TMTC1: variants seen among roughly 807,000 people sequenced by gnomAD.
TMTC1 encodes the protein protein O-mannosyl-transferase TMTC1.
A neutral mutation model predicts 104.8 loss-of-function variants in TMTC1; 73 were observed. That is an observed-to-expected ratio of 0.70 (90% CI 0.58 to 0.85). TMTC1 has a LOEUF of 0.85. Among genes scored for constraint, TMTC1 ranks in the 40% least tolerant of loss-of-function variants. TMTC1 has a pLI of 0.00. For missense variants in TMTC1, 1,035 were observed against 1,096.1 expected, an observed-to-expected ratio of 0.94 and a Z score of 0.79; for synonymous variants, 434 against 428.7, an observed-to-expected ratio of 1.01 and a Z score of -0.15.
At chr12:29,686,676 T>C (rs1283479138) in intron 5 of TMTC1, among the ~76,000 whole-genome samples, 2 of 152,160 alleles carry the variant, frequency 1.3e-5, no homozygotes, top group Non-Finnish European at 2.9e-5. Flanking sequence ...TCAAGCTATC[T>C]CACCCTGGAC....
intron 5 of TMTC1, chr12:29,641,184 T>C (rs1302240488): frequency 6.6e-6 from 1 of 152,278 alleles, no homozygotes; most frequent in Non-Finnish European, 1.5e-5. Context: ...AAAGGGCATA[T>C]ACTCTTGGGA....
chr12:29,769,088 C>T (rs1206959673), intron 1 of TMTC1, among the ~76,000 whole-genome samples: 1 of 152,164 alleles, frequency 6.6e-6, no homozygotes, highest in Non-Finnish European at 1.5e-5. Flanking sequence ...CTTATAGAAA[C>T]AGCTCTTCTT....
intron 2 of TMTC1, among the ~76,000 whole-genome samples, chr12:29,760,260 G>A (rs1484269419): frequency 6.6e-6 from 1 of 152,140 alleles, no homozygotes; most frequent in Non-Finnish European, 1.5e-5. Context: ...ACATATAAAT[G>A]TACATACATA....
chr12:29,509,418 C>T (rs1197246070), intron 17 of TMTC1, among the ~76,000 whole-genome samples: 4 of 152,208 alleles, frequency 2.6e-5, no homozygotes, highest in Non-Finnish European at 5.9e-5. Context: ...TTGCAAAGTA[C>T]TATTCTAACT....
At chr12:29,664,706 G>A (rs1940206504) in intron 5 of TMTC1, among the ~76,000 whole-genome samples, 1 of 152,128 alleles carries the variant, frequency 6.6e-6, no homozygotes, top group Non-Finnish European at 1.5e-5. Context: ...TTCTAAAGGA[G>A]GAGAACATAA....
intron 1 of TMTC1, among the ~76,000 whole-genome samples, chr12:29,779,896 T>C (rs1161558762): frequency 6.6e-6 from 1 of 152,242 alleles, no homozygotes; most frequent in Non-Finnish European, 1.5e-5. Flanking sequence ...TTTGGTTTAA[T>C]ATCAGATGTT....
At chr12:29,543,670 G>A (rs982138102) in intron 10 of TMTC1, among the ~76,000 whole-genome samples, 1 of 152,148 alleles carries the variant, frequency 6.6e-6, no homozygotes, top group Admixed American at 6.5e-5. Context: ...ACTGAATTGT[G>A]AAAGTCAAAT....
chr12:29,646,553 C>T (rs1374301032), intron 5 of TMTC1, among the ~76,000 whole-genome samples: 1 of 152,054 alleles, frequency 6.6e-6, no homozygotes, highest in African/African-American at 2.4e-5. Flanking sequence ...GCAACCCATC[C>T]CTAGTCCCCA....
At chr12:29,586,604 A>C (rs544873892) in intron 7 of TMTC1, among the ~76,000 whole-genome samples, 1 of 151,958 alleles carries the variant, frequency 6.6e-6, no homozygotes, top group Admixed American at 6.6e-5. Context: ...TTTGAGATAC[A>C]TCCCATCAAT....
intron 7 of TMTC1, among the ~76,000 whole-genome samples, chr12:29,599,968 A>ATGTG (rs113537256): frequency 2.3e-5 from 3 of 131,256 alleles, no homozygotes; most frequent in Admixed American, 7.4e-5. Flanking sequence ...GTATATATAT[A>ATGTG]TGTGTGTGTG....
chr12:29,660,113 C>G (rs1298732054), intron 5 of TMTC1: 2 of 696,882 alleles, frequency 2.9e-6, no homozygotes, highest in Non-Finnish European at 4.7e-6. Flanking sequence ...AGTCTTGTGG[C>G]TGGCTTGTAC....
At chr12:29,516,554 T>G (rs1239968657) in intron 14 of TMTC1, 68 bp from the exon 15 acceptor site, 1 of 1,517,884 alleles carries the variant, frequency 6.6e-7, no homozygotes, top group Non-Finnish European at 8.9e-7. Context: ...CATCCCTGAA[T>G]AGAAGCATTC....
chr12:29,698,996 A>G (rs1178386326), intron 5 of TMTC1, among the ~76,000 whole-genome samples: 2 of 152,158 alleles, frequency 1.3e-5, no homozygotes, highest in Non-Finnish European at 2.9e-5. Context: ...TTGATAGGTG[A>G]GGTTATAAAT....
rs78704523 is a variant in TMTC1, at chr12:29,745,521, T to C, written c.938+6145A>G. On this transcript the variant is annotated intron_variant, in intron 5 of 17. Coordinates refer to ENST00000539277, the MANE Select transcript of TMTC1 (RefSeq NM_001193451.2). ...CTGTAATCCCAGCTACTCGGGAGGC[T>C]GAGGCAGGAGAATCACTTGAACCCA... Among the ~76,000 whole-genome samples, 2,341 of 147,626 alleles carry C rather than the reference T, an allele frequency of 0.016. 181 individuals are homozygous for C. In the East Asian group the frequency reaches 0.25, roughly 16 times the overall value.
intron 5 of TMTC1, among the ~76,000 whole-genome samples, chr12:29,728,226 G>A (rs76098190): frequency 0.035 from 5,319 of 152,246 alleles, 181 homozygotes; most frequent in African/African-American, 0.09. Context: ...AGCGGAGCCA[G>A]ATGCTGGGAG....
intron 5 of TMTC1, among the ~76,000 whole-genome samples, chr12:29,748,520 TG>T (rs1294382744): frequency 6.6e-6 from 1 of 152,252 alleles, no homozygotes; most frequent in Non-Finnish European, 1.5e-5. Context: ...TCAAACAGTC[TG>T]GGTTCCAATC....
chr12:29,518,767 G>A (rs1281158871), intron 12 of TMTC1, among the ~76,000 whole-genome samples, 160 bp from the exon 13 acceptor site: 1 of 152,024 alleles, frequency 6.6e-6, no homozygotes, highest in Non-Finnish European at 1.5e-5. Context: ...TTCTCATCCT[G>A]GCCATTGCCT....
At chr12:29,637,071 G>A (rs1359646001) in intron 5 of TMTC1, among the ~76,000 whole-genome samples, 2 of 125,180 alleles carry the variant, frequency 1.6e-5, no homozygotes, top group Non-Finnish European at 1.7e-5. Context: ...AAAATGAAAC[G>A]AAACAAAATG....
intron 11 of TMTC1, among the ~76,000 whole-genome samples, chr12:29,526,402 T>A (rs1362115475): frequency 3.9e-5 from 6 of 152,204 alleles, no homozygotes; most frequent in Non-Finnish European, 7.3e-5. Context: ...CCATCATAGG[T>A]AATTTGAATT....
Sources: allele counts gnomAD v4.1 joint callset (sites outside exome capture counted in the v4.1 genomes callset), GRCh38; gene constraint gnomAD v4.1.1; transcripts MANE v1.5; gene names NCBI Gene and HGNC (gene_info 2026-07-23, HGNC 2026-07-21).